EEF1AKMT3: variants seen among roughly 807,000 people sequenced by gnomAD.
The protein encoded by EEF1AKMT3 is eEF1A-KMT3.
EEF1AKMT3 carries 17 observed loss-of-function variants against 17.8 expected under a neutral mutation model. The ratio of observed to expected loss-of-function variants is 0.96; its 90% CI spans 0.65 to 1.43. EEF1AKMT3 has a LOEUF of 1.43. Among genes scored for constraint, EEF1AKMT3 ranks in the 40% most tolerant of loss-of-function variants. The pLI is 0.00. For missense variants in EEF1AKMT3, 244 were observed against 285.8 expected (o/e 0.85, Z 1.06); for synonymous variants, 116 against 126.5 (o/e 0.92, Z 0.56).
intron 2 of EEF1AKMT3, among the ~76,000 whole-genome samples, chr12:57,778,293 CTTT>C (rs56919999): frequency 2.3e-5 from 1 of 43,994 alleles, no homozygotes. Flanking sequence ...CCATCCTGAG[CTTT>C]TTTTTTTTTT....
rs200434218 is a variant in EEF1AKMT3 at position 57,780,545 on chromosome 12, C to T, written c.580C>T (p.His194Tyr). Residue 194 changes from histidine to tyrosine, a missense_variant, in exon 3 of 3, where the codon CAC (histidine) becomes TAC (tyrosine). Transcript: ENST00000300209. ...GCATGGGACAGAGAGCTTCTTTCAG[C>T]ACCTCCTGCCCCAGCATTTCCAACT... ...KEHGTESFFQ[H>Y]LLPQHFQLEL... 2.5e-6 allele frequency: 4 copies of T among 1,614,046 alleles called. No individual in the cohort carries two copies. The highest frequency in any genetic ancestry group is 3.4e-6 in the Non-Finnish European group (4 of 1,180,004).
At chr12:57,774,554 A>G in intron 2 of EEF1AKMT3, 2 of 683,562 alleles carry the variant, frequency 2.9e-6, no homozygotes, top group Non-Finnish European at 5.3e-6. Flanking sequence ...ATGTATTTCA[A>G]GTCCCCTATG....
rs1419155914 is a variant in EEF1AKMT3, at chr12:57,781,051, TTTTTTTTC to T, written c.*421_*428del. On this transcript the variant is annotated 3_prime_UTR_variant, in exon 3 of 3. Transcript: ENST00000300209. The stretch of plus-strand genomic sequence containing the variant: ...GGACTTTAAAAAAATTCTGTGGGAT[TTTTTTTTC>T]TTTTTTTCTTTTTTTTTGAGACAGG... 2.0e-5 allele frequency: 4 copies of T among 201,590 alleles called. No individual in the cohort carries two copies. The highest frequency in any genetic ancestry group is 4.0e-5 in the Non-Finnish European group (4 of 101,248). The allele number at this position is 201,590 out of a possible 1,614,324, so 12.5% of individuals were successfully genotyped here. A position where few individuals can be genotyped will look rare whatever the true frequency, so the allele number is the denominator to read the frequency against.
At position 57,773,210 on chromosome 12, in the gene EEF1AKMT3, A is replaced by AG. The variant is rs1017217794; in HGVS notation, c.289+86dup. On this transcript the variant is annotated intron_variant, in intron 2 of 2. Coordinates refer to ENST00000300209, the MANE Select transcript of EEF1AKMT3 (RefSeq NM_015433.3). ...GTCACTTCGTGGATCTTTGGGGGAG[A>AG]GGGGAGAACTTTGGGCCCAGTCTAA... The AG allele has an allele frequency of 1.4e-5, 19 of 1,345,632 alleles. No homozygotes were observed. The African/African-American group carries it at 2.6e-4, about 18-fold the overall frequency. The allele number at this position is 1,345,632 out of a possible 1,614,324, so 83.4% of individuals were successfully genotyped here.
At chr12:57,774,773 G>A in intron 2 of EEF1AKMT3, 1 of 1,603,420 alleles carries the variant, frequency 6.2e-7, no homozygotes, top group Non-Finnish European at 8.5e-7. Flanking sequence ...GTCAGGTGAG[G>A]AGGAGGTGAA....
rs1282984360 is a variant in EEF1AKMT3 at position 57,781,279 on chromosome 12, C to G, written c.*633C>G. On this transcript the variant is annotated 3_prime_UTR_variant, in exon 3 of 3. Coordinates refer to ENST00000300209, the MANE Select transcript of EEF1AKMT3 (RefSeq NM_015433.3). Reference sequence around the variant, plus strand: ...TTCGCCATGTTGCCCAGGGTGGTCTCAAACTCCTGGGCTCAAGTGATCCAC... The same window carrying G: ...TTCGCCATGTTGCCCAGGGTGGTCTGAAACTCCTGGGCTCAAGTGATCCAC... 6.6e-6 allele frequency: 1 copy of G among 152,368 alleles called. No individual in the cohort carries two copies. Among genetic ancestry groups the G allele is most frequent in the African/African-American group, 2.4e-5 (1 of 41,382 alleles). The allele number at this position is 152,368 out of a possible 1,614,324, so 9.4% of individuals were successfully genotyped here. A position where few individuals can be genotyped will look rare whatever the true frequency, so the allele number is the denominator to read the frequency against.
intron 2 of EEF1AKMT3, among the ~76,000 whole-genome samples, chr12:57,775,070 A>C (rs1280105879): frequency 7.3e-6 from 1 of 136,170 alleles, no homozygotes; most frequent in East Asian, 2.5e-4. Flanking sequence ...GCACCGTTGC[A>C]CTCCAGCCTG....
In EEF1AKMT3 at chr12:57,782,357, C is replaced by T; in HGVS notation, c.*1711C>T. The T allele has an allele frequency of 5.7e-6, 1 of 174,880 alleles. No homozygotes were observed. Among genetic ancestry groups the T allele is most frequent in the Non-Finnish European group, 1.2e-5 (1 of 80,776 alleles). 10.8% of individuals were successfully genotyped at this position (174,880 alleles called of 1,614,324 possible). A position where few individuals can be genotyped will look rare whatever the true frequency, so the allele number is the denominator to read the frequency against. On this transcript the variant is annotated 3_prime_UTR_variant, in exon 3 of 3. Transcript: ENST00000300209. ...CAGTTCCTGGCACACAACAGGTGTTCAACAGATATTGTGCTCATTCAATAA... is the reference window on the plus strand; with the variant it reads ...CAGTTCCTGGCACACAACAGGTGTTTAACAGATATTGTGCTCATTCAATAA...
chr12:57,774,062 A>G (rs1485139502), intron 2 of EEF1AKMT3, among the ~76,000 whole-genome samples: 1 of 152,232 alleles, frequency 6.6e-6, no homozygotes, highest in Non-Finnish European at 1.5e-5. Context: ...AGTTTCACAA[A>G]TTATAATCTA....
chr12:57,775,374 T>G (rs1240934958), intron 2 of EEF1AKMT3, among the ~76,000 whole-genome samples: 1 of 138,598 alleles, frequency 7.2e-6, no homozygotes, highest in Non-Finnish European at 1.6e-5. Flanking sequence ...GAGTTAAATG[T>G]TCTTTTTTTT....
At position 57,778,293 on chromosome 12, in the gene EEF1AKMT3, C is replaced by CTTTTTTT. The variant is rs56919999; in HGVS notation, c.290-1953_290-1947dup. On this transcript the variant is annotated intron_variant, in intron 2 of 2. Coordinates refer to ENST00000300209, the MANE Select transcript of EEF1AKMT3 (RefSeq NM_015433.3). ...CCAAACACCCAGAAACCATCCTGAG[C>CTTTTTTT]TTTTTTTTTTTTTTTGAGACAGGTT... 6.8e-5 allele frequency among the ~76,000 whole-genome samples: 3 copies of CTTTTTTT among 43,994 alleles called. 1 individual carries two copies. Among genetic ancestry groups the CTTTTTTT allele is most frequent in the Non-Finnish European group, 1.2e-4 (3 of 25,678 alleles). 28.9% of individuals were successfully genotyped at this position (43,994 alleles called of 152,430 possible). A position where few individuals can be genotyped will look rare whatever the true frequency, so the allele number is the denominator to read the frequency against.
At chr12:57,777,819 A>C (rs1205976299) in intron 2 of EEF1AKMT3, among the ~76,000 whole-genome samples, 1 of 152,144 alleles carries the variant, frequency 6.6e-6, no homozygotes, top group Non-Finnish European at 1.5e-5. Flanking sequence ...CAGGAGTTTG[A>C]GACTAGCCTG....
In EEF1AKMT3 at chr12:57,781,362, A is replaced by G. The variant is rs1428752478; in HGVS notation, c.*716A>G. 2 of 143,874 alleles carry G rather than the reference A, an allele frequency of 1.4e-5. No individual in the cohort carries two copies. Among genetic ancestry groups the G allele is most frequent in the South Asian group, 2.2e-4 (1 of 4,542 alleles). The allele number at this position is 143,874 out of a possible 1,614,324, so 8.9% of individuals were successfully genotyped here. On this transcript the variant is annotated 3_prime_UTR_variant, in exon 3 of 3. Transcript: ENST00000300209. ...GCATGGCCCACTGTGCTAGCCTAGG[A>G]TTTTTTTTTTTTTTTAAGAAAGAAT...
Position 57,773,108 on chromosome 12 carries a change from G to C in EEF1AKMT3, c.269G>C (p.Gly90Ala). Residue 90 changes from glycine to alanine, a missense_variant, in exon 2 of 3, where the codon GGG becomes GCG. Transcript: ENST00000300209. Reference protein sequence around the residue: ...IELGAGTGIVGILAALQGGDV... With the variant: ...IELGAGTGIVAILAALQGGDV... Reference sequence around the variant, plus strand: ...CTGGGTGCGGGGACAGGCATCGTGGGGATCTTGGCAGCGCTGCAGGGTGCG... The same window carrying C: ...CTGGGTGCGGGGACAGGCATCGTGGCGATCTTGGCAGCGCTGCAGGGTGCG... 6.2e-7 allele frequency: 1 copy of C among 1,614,190 alleles called. No individual in the cohort carries two copies. The highest frequency in any genetic ancestry group is 8.5e-7 in the Non-Finnish European group (1 of 1,180,040).
In EEF1AKMT3 at chr12:57,778,293, C is replaced by CTTTT. The variant is rs56919999; in HGVS notation, c.290-1950_290-1947dup. ...CCAAACACCCAGAAACCATCCTGAG[C>CTTTT]TTTTTTTTTTTTTTTGAGACAGGTT... On this transcript the variant is annotated intron_variant, in intron 2 of 2. Coordinates refer to ENST00000300209, the MANE Select transcript of EEF1AKMT3 (RefSeq NM_015433.3). Among the ~76,000 whole-genome samples, 19 of 43,996 alleles carry CTTTT rather than the reference C, an allele frequency of 4.3e-4. 4 individuals carry two copies. The highest frequency in any genetic ancestry group is 2.6e-3 in the Admixed American group (6 of 2,338). The allele number at this position is 43,996 out of a possible 152,430, so 28.9% of individuals were successfully genotyped here. A position where few individuals can be genotyped will look rare whatever the true frequency, so the allele number is the denominator to read the frequency against.
At chr12:57,774,657 G>C in intron 2 of EEF1AKMT3, 2 of 1,575,716 alleles carry the variant, frequency 1.3e-6, no homozygotes, top group South Asian at 2.2e-5. Context: ...GGGAGACAGA[G>C]GACGATGTCA....
In EEF1AKMT3 at chr12:57,781,904, C is replaced by T. The variant is rs1012556333; in HGVS notation, c.*1258C>T. 8 of 152,218 alleles carry T rather than the reference C, an allele frequency of 5.3e-5. No individual in the cohort carries two copies. The highest frequency in any genetic ancestry group is 1.0e-4 in the Non-Finnish European group (7 of 68,080). 9.4% of individuals were successfully genotyped at this position (152,218 alleles called of 1,614,324 possible). On this transcript the variant is annotated 3_prime_UTR_variant, in exon 3 of 3. Coordinates refer to ENST00000300209, the MANE Select transcript of EEF1AKMT3 (RefSeq NM_015433.3). ...TCCAAAATTAGCTCTGATTAGCTTTCACTTCCTGTAGAAGCAAGAACAAGC... is the reference window on the plus strand; with the variant it reads ...TCCAAAATTAGCTCTGATTAGCTTTTACTTCCTGTAGAAGCAAGAACAAGC...
intron 2 of EEF1AKMT3, chr12:57,774,795 C>T (rs758829243): frequency 2.5e-6 from 4 of 1,579,872 alleles, no homozygotes; most frequent in Non-Finnish European, 3.4e-6. Context: ...AGTGTGAACA[C>T]AGCAGGCTCA....
intron 2 of EEF1AKMT3, among the ~76,000 whole-genome samples, chr12:57,774,129 T>C (rs1169602270): frequency 5.3e-5 from 8 of 152,204 alleles, no homozygotes; most frequent in Non-Finnish European, 1.2e-4. Flanking sequence ...TACAATGTCA[T>C]CTCCCTAGGA....
Sources: gnomAD v4.1 joint callset for allele counts (sites outside exome capture counted in the v4.1 genomes callset) on GRCh38, gnomAD v4.1.1 for gene constraint, MANE v1.5 for transcripts, NCBI Gene and HGNC (gene_info 2026-07-23, HGNC 2026-07-21) for gene names.